The following CPE variants were observed in gnomAD, a reference collection of about 807,000 sequenced individuals.
CPE encodes carboxypeptidase E, also known as carbocypeptidase E.
A neutral mutation model predicts 53.5 loss-of-function variants in CPE; 17 were observed. The observed-to-expected ratio is 0.32, with a 90% CI of 0.22 to 0.48. The LOEUF is 0.48. Among genes scored for constraint, CPE ranks in the 20% least tolerant of loss-of-function variants. The pLI, the probability that CPE is intolerant of heterozygous loss-of-function variation, is 0.99. For missense variants in CPE, 524 were observed against 614.7 expected (o/e 0.85, Z 1.56); for synonymous variants, 226 against 228.8 (o/e 0.99, Z 0.11).
chr4:165,424,498 A>G (rs1731283270), intron 1 of CPE, among the ~76,000 whole-genome samples: 1 of 151,900 alleles, frequency 6.6e-6, no homozygotes, highest in African/African-American at 2.4e-5. Context: ...ATTTTGCAAT[A>G]AAGTCCAGTT....
At chr4:165,420,716 T>C (rs947643336) in intron 1 of CPE, among the ~76,000 whole-genome samples, 1 of 152,160 alleles carries the variant, frequency 6.6e-6, no homozygotes, top group Non-Finnish European at 1.5e-5. Flanking sequence ...TCCCTGATTT[T>C]AATGGGAATG....
At chr4:165,437,747 G>T (rs186604717) in intron 1 of CPE, among the ~76,000 whole-genome samples, 1 of 152,308 alleles carries the variant, frequency 6.6e-6, no homozygotes, top group East Asian at 1.9e-4. Flanking sequence ...AGAGTGTGGG[G>T]TGTGGAGAGA....
At chr4:165,460,427 C>G (rs1001045) in intron 1 of CPE, among the ~76,000 whole-genome samples, 51,838 of 151,942 alleles carry the variant, frequency 0.34, 9,611 homozygotes, top group Middle Eastern at 0.44. Flanking sequence ...AATTAATCTT[C>G]TTGATGGGAA....
rs1276127961 is a variant in CPE at position 165,497,687 on chromosome 4, G to A, written c.*77G>A. ...TAATGTGGTCTTTTTTTTAGATTTT[G>A]TGCAGTTAATACTTAACATTGATTT... On this transcript the variant is annotated 3_prime_UTR_variant, in exon 9 of 9. Coordinates refer to ENST00000402744, the MANE Select transcript of CPE (RefSeq NM_001873.4). 1.1e-5 allele frequency: 8 copies of A among 696,724 alleles called. No homozygotes were observed. The highest frequency in any genetic ancestry group is 3.8e-4 in the Middle Eastern group (1 of 2,636). 43.2% of individuals were successfully genotyped at this position (696,724 alleles called of 1,614,324 possible).
At chr4:165,432,351 A>G (rs1021456180) in intron 1 of CPE, among the ~76,000 whole-genome samples, 4 of 152,172 alleles carry the variant, frequency 2.6e-5, no homozygotes, top group Non-Finnish European at 4.4e-5. Flanking sequence ...GCTGGAGTGC[A>G]GTGGCACAAT....
At chr4:165,458,980 G>A (rs796823166) in intron 1 of CPE, among the ~76,000 whole-genome samples, 134 of 152,280 alleles carry the variant, frequency 8.8e-4, no homozygotes, top group African/African-American at 3.2e-3. Context: ...TTCTGTTTCA[G>A]TGGCTCTCTG....
rs545270720 is a variant in CPE, at chr4:165,496,589, C to G, written c.1332+912C>G. Among the ~76,000 whole-genome samples the G allele has an allele frequency of 5.9e-5, 9 of 152,180 alleles. No homozygotes were observed. The South Asian group carries it at 1.9e-3, about 32-fold the overall frequency. On this transcript the variant is annotated intron_variant, in intron 8 of 8. Coordinates refer to ENST00000402744, the MANE Select transcript of CPE (RefSeq NM_001873.4). ...TAATCAGGCGTTTAAGTGGCCAAAT[C>G]AAGAAACTCTTAGTTCCATCTGGGA...
intron 1 of CPE, among the ~76,000 whole-genome samples, chr4:165,408,970 A>T (rs1730994561): frequency 1.3e-5 from 2 of 152,198 alleles, no homozygotes; most frequent in Non-Finnish European, 2.9e-5. Flanking sequence ...TATGGAATGG[A>T]TTGGTTTATG....
At chr4:165,442,199 T>C (rs1208333090) in intron 1 of CPE, among the ~76,000 whole-genome samples, 1 of 151,912 alleles carries the variant, frequency 6.6e-6, no homozygotes, top group East Asian at 1.9e-4. Context: ...GATGCTACCA[T>C]GCCCAGCTAA....
chr4:165,461,537 G>A (rs1732006206), intron 1 of CPE, among the ~76,000 whole-genome samples: 1 of 152,172 alleles, frequency 6.6e-6, no homozygotes, highest in South Asian at 2.1e-4. Flanking sequence ...TTGGCCTTGG[G>A]AGGGAAAAGA....
chr4:165,465,282 T>A (rs1005841813), intron 2 of CPE, among the ~76,000 whole-genome samples: 12 of 152,136 alleles, frequency 7.9e-5, no homozygotes, highest in Non-Finnish European at 1.2e-4. Flanking sequence ...TTCAAGTTAA[T>A]ATTTAGCATG....
At chr4:165,421,223 G>A (rs13125242) in intron 1 of CPE, among the ~76,000 whole-genome samples, 44,777 of 151,858 alleles carry the variant, frequency 0.29, 6,646 homozygotes, top group Middle Eastern at 0.39. Context: ...CTCATTTTCT[G>A]TAGTAGGATT....
chr4:165,468,267 G>GTT (rs1273369223), intron 3 of CPE, among the ~76,000 whole-genome samples: 6 of 151,930 alleles, frequency 3.9e-5, no homozygotes, highest in Non-Finnish European at 1.5e-5. Context: ...TCACTACTCA[G>GTT]TTTTTTTCCC....
chr4:165,419,788 A>T (rs191313797), intron 1 of CPE, among the ~76,000 whole-genome samples: 23 of 152,304 alleles, frequency 1.5e-4, no homozygotes, highest in African/African-American at 5.1e-4. Context: ...TTCTGATTCA[A>T]ATCTCCAGTT....
chr4:165,453,086 A>C (rs1731840778), intron 1 of CPE, among the ~76,000 whole-genome samples: 1 of 151,628 alleles, frequency 6.6e-6, no homozygotes, highest in South Asian at 2.1e-4. Context: ...CAGCCTCCTG[A>C]GTAGCTGGGA....
At chr4:165,466,883 A>C (rs1163347667) in intron 2 of CPE, among the ~76,000 whole-genome samples, 1 of 152,222 alleles carries the variant, frequency 6.6e-6, no homozygotes, top group Non-Finnish European at 1.5e-5. Flanking sequence ...CTTTGTAATA[A>C]CACTTAGATT....
At chr4:165,474,493 C>G (rs1732261709) in intron 3 of CPE, among the ~76,000 whole-genome samples, 1 of 152,158 alleles carries the variant, frequency 6.6e-6, no homozygotes, top group Non-Finnish European at 1.5e-5. Context: ...GGCATCCCCT[C>G]TTACTTTCCT....
intron 1 of CPE, among the ~76,000 whole-genome samples, chr4:165,449,606 G>A (rs1309130795): frequency 6.6e-6 from 1 of 152,104 alleles, no homozygotes; most frequent in East Asian, 1.9e-4. Flanking sequence ...TACCCTTGAT[G>A]CTGAGATATG....
intron 5 of CPE, among the ~76,000 whole-genome samples, chr4:165,485,705 A>G (rs1254954692): frequency 6.6e-6 from 1 of 152,194 alleles, no homozygotes; most frequent in African/African-American, 2.4e-5. Flanking sequence ...AATCTATATC[A>G]GTTAAATACT....
Sources: gnomAD v4.1 joint callset for allele counts (sites outside exome capture counted in the v4.1 genomes callset) on GRCh38, gnomAD v4.1.1 for gene constraint, MANE v1.5 for transcripts, NCBI Gene and HGNC (gene_info 2026-07-23, HGNC 2026-07-21) for gene names.